The following COL24A1 variants were observed in gnomAD, a reference collection of about 807,000 sequenced individuals.
COL24A1 encodes collagen alpha-1(XXIV) chain.
Under a neutral mutation model 253.9 loss-of-function variants are expected in COL24A1, and 224 were observed. The observed-to-expected ratio is 0.88, with a 90% confidence interval of 0.79 to 0.99. The LOEUF is 0.99. COL24A1 is among the 50% of genes least tolerant of loss of function. The pLI is 0.00. For synonymous variants in COL24A1, 685 were observed against 673.7 expected (o/e 1.02, Z -0.26); for missense variants, 2,131 against 2,068.5 (o/e 1.03, Z -0.59).
intron 28 of COL24A1, among the ~76,000 whole-genome samples, chr1:85,903,032 C>A (rs940207426): frequency 2.0e-5 from 3 of 151,192 alleles, no homozygotes; most frequent in Admixed American, 6.6e-5. Flanking sequence ...CCCATAAATA[C>A]GTACAAATAC....
At chr1:86,112,003 T>C (rs75653506) in intron 5 of COL24A1, among the ~76,000 whole-genome samples, 26,353 of 152,098 alleles carry the variant, frequency 0.17, 2,380 homozygotes, top group South Asian at 0.25. Flanking sequence ...CGAGGGTCCG[T>C]GGCTTCATTC....
At chr1:85,741,875 G>T (rs1231466147) in intron 57 of COL24A1, among the ~76,000 whole-genome samples, 1 of 152,066 alleles carries the variant, frequency 6.6e-6, no homozygotes, top group Admixed American at 6.5e-5. Flanking sequence ...TCTTGATGAA[G>T]GTCCTTAATG....
chr1:85,772,092 T>A (rs1447565289), intron 53 of COL24A1, among the ~76,000 whole-genome samples: 1 of 149,458 alleles, frequency 6.7e-6, no homozygotes, highest in African/African-American at 2.5e-5. Flanking sequence ...GAATGATGAT[T>A]TCCAATTTCA....
At chr1:85,852,285 A>G (rs1470926368) in intron 37 of COL24A1, among the ~76,000 whole-genome samples, 1 of 152,156 alleles carries the variant, frequency 6.6e-6, no homozygotes, top group Admixed American at 6.6e-5. Flanking sequence ...ATTATCTTCA[A>G]TTTCCATTGG....
chr1:86,108,469 C>T (rs933661952), intron 5 of COL24A1, among the ~76,000 whole-genome samples: 4 of 151,740 alleles, frequency 2.6e-5, no homozygotes, highest in Non-Finnish European at 4.4e-5. Context: ...TATTCTGAAA[C>T]AGCAACAGAG....
intron 52 of COL24A1, among the ~76,000 whole-genome samples, chr1:85,779,094 C>T (rs1012233682): frequency 1.3e-5 from 2 of 152,050 alleles, no homozygotes; most frequent in Non-Finnish European, 2.9e-5. Context: ...TAGCCTGGAA[C>T]TCCTGGGCTC....
At chr1:86,011,670 T>A (rs1696494558) in intron 19 of COL24A1, among the ~76,000 whole-genome samples, 1 of 152,242 alleles carries the variant, frequency 6.6e-6, no homozygotes, top group Non-Finnish European at 1.5e-5. Context: ...CACTTTGTTT[T>A]TAAAAACATT....
At chr1:86,050,077 C>T (rs756108077) in intron 11 of COL24A1, 47 bp downstream of exon 11, 14 of 1,515,328 alleles carry the variant, frequency 9.2e-6, no homozygotes, top group Non-Finnish European at 1.3e-5. Flanking sequence ...TGTACATTAT[C>T]ACAAGTATAT....
At chr1:85,822,663 G>A (rs1673772898) in intron 45 of COL24A1, among the ~76,000 whole-genome samples, 1 of 152,176 alleles carries the variant, frequency 6.6e-6, no homozygotes. Context: ...CTATGACAAT[G>A]ATTCTTTGCT....
At chr1:85,840,013 T>G (rs1676428305) in intron 42 of COL24A1, among the ~76,000 whole-genome samples, 1 of 152,200 alleles carries the variant, frequency 6.6e-6, no homozygotes, top group South Asian at 2.1e-4. Flanking sequence ...TTTAATTTAC[T>G]CTTACGTGGA....
At chr1:86,008,157 G>A (rs187731403) in intron 19 of COL24A1, among the ~76,000 whole-genome samples, 1 of 152,142 alleles carries the variant, frequency 6.6e-6, no homozygotes, top group African/African-American at 2.4e-5. Context: ...CTCCATACAT[G>A]TAGGAAATAT....
chr1:85,761,782 T>C (rs1666875156), intron 53 of COL24A1, among the ~76,000 whole-genome samples: 1 of 152,226 alleles, frequency 6.6e-6, no homozygotes, highest in Admixed American at 6.5e-5. Flanking sequence ...TTATCGATAT[T>C]ATTAGAAACT....
At chr1:85,875,857 C>G (rs555985127) in intron 33 of COL24A1, among the ~76,000 whole-genome samples, 1 of 151,978 alleles carries the variant, frequency 6.6e-6, no homozygotes, top group African/African-American at 2.4e-5. Flanking sequence ...GAAGTTCTTG[C>G]AACCTCTGGC....
At chr1:85,757,909 G>C (rs1184773123) in intron 55 of COL24A1, among the ~76,000 whole-genome samples, 3 of 152,118 alleles carry the variant, frequency 2.0e-5, no homozygotes, top group Admixed American at 6.5e-5. Context: ...ACTCTAGTTA[G>C]AGAGAACATA....
chr1:85,806,070 C>T (rs111786109), intron 47 of COL24A1, among the ~76,000 whole-genome samples: 80 of 100,718 alleles, frequency 7.9e-4, no homozygotes, highest in Admixed American at 6.9e-4. Flanking sequence ...AGCGAGACTC[C>T]GTCTCAAAAA....
intron 19 of COL24A1, among the ~76,000 whole-genome samples, chr1:86,002,929 C>A (rs1487817581): frequency 6.6e-6 from 1 of 152,158 alleles, no homozygotes; most frequent in Non-Finnish European, 1.5e-5. Flanking sequence ...TACCAGGTGA[C>A]ACTGTAGGCT....
chr1:85,877,284 T>G, intron 32 of COL24A1, 109 bp from the exon 33 acceptor site: 2 of 681,242 alleles, frequency 2.9e-6, no homozygotes, highest in Non-Finnish European at 4.8e-6. Context: ...CATGATTATG[T>G]AAATACATAA....
chr1:85,970,993 G>A (rs1332772072), intron 21 of COL24A1, among the ~76,000 whole-genome samples: 2 of 152,172 alleles, frequency 1.3e-5, no homozygotes, highest in Non-Finnish European at 2.9e-5. Flanking sequence ...TGGGAGGACT[G>A]CTTGAGGCCA....
At chr1:85,837,535 A>T (rs749501642) in intron 43 of COL24A1, among the ~76,000 whole-genome samples, 1 of 152,232 alleles carries the variant, frequency 6.6e-6, no homozygotes. Flanking sequence ...CTTATTATGT[A>T]CAGGGATTAG....
Sources: gnomAD v4.1 joint callset for allele counts (sites outside exome capture counted in the v4.1 genomes callset) on GRCh38, gnomAD v4.1.1 for gene constraint, MANE v1.5 for transcripts, NCBI Gene and HGNC (gene_info 2026-07-23, HGNC 2026-07-21) for gene names.